The following STXBP5L variants were observed in gnomAD, a reference collection of about 807,000 sequenced individuals.
The protein encoded by STXBP5L is syntaxin binding protein 5L, also known as syntaxin-binding protein 5-like.
STXBP5L carries 65 observed loss-of-function variants against 144.5 expected under a neutral mutation model. The observed-to-expected ratio is 0.45, with a 90% CI of 0.37 to 0.55. The LOEUF (loss-of-function observed/expected upper bound fraction) is 0.55. Ranked by LOEUF, STXBP5L falls within the 20% of genes least tolerant of loss-of-function variation. The probability of loss-of-function intolerance (pLI) is 0.00; values close to 1 mark genes in which losing one functional copy is unlikely to be tolerated. For missense variants in STXBP5L, 1,298 were observed against 1,405.5 expected (o/e 0.92, Z 1.22); for synonymous variants, 505 against 469.6 (o/e 1.08, Z -0.97).
At chr3:121,342,080 T>A (rs921793153) in intron 20 of STXBP5L, among the ~76,000 whole-genome samples, 1 of 151,984 alleles carries the variant, frequency 6.6e-6, no homozygotes, top group African/African-American at 2.4e-5. Context: ...TATGCCTGTA[T>A]CAATATATGT....
intron 3 of STXBP5L, among the ~76,000 whole-genome samples, chr3:120,960,149 A>C (rs1250973677): frequency 6.6e-6 from 1 of 152,240 alleles, no homozygotes. Context: ...CCAAAGATAC[A>C]TGAAAAAAAT....
chr3:121,035,031 C>T (rs9820638), intron 3 of STXBP5L, among the ~76,000 whole-genome samples: 15,091 of 151,956 alleles, frequency 0.099, 1,176 homozygotes, highest in Admixed American at 0.2. Flanking sequence ...GAAAAAATGC[C>T]TGTTCATGTC....
In STXBP5L at chr3:121,191,216, C is replaced by T. The variant is rs573655466; in HGVS notation, c.878-14707C>T. ...CTGGCAGGTGGAGGTTGTAGCGAGC[C>T]GAGATCACGCCACTGCACTCCAGCC... On this transcript the variant is annotated intron_variant, in intron 9 of 26. Coordinates refer to ENST00000471454, the MANE Select transcript of STXBP5L (RefSeq NM_001308330.2). Among the ~76,000 whole-genome samples, 8 of 152,234 alleles carry T rather than the reference C, an allele frequency of 5.3e-5. No homozygotes were observed. In the South Asian group the frequency reaches 8.3e-4, roughly 16 times the overall value.
intron 9 of STXBP5L, among the ~76,000 whole-genome samples, chr3:121,167,774 C>T (rs1321921351): frequency 1.3e-5 from 2 of 152,202 alleles, no homozygotes; most frequent in South Asian, 2.1e-4. Flanking sequence ...CATAAACATC[C>T]CTGCCTGCTG....
rs918735858 is a variant in STXBP5L at position 121,409,706 on chromosome 3, A to G, written c.2948+2103A>G. 2.6e-5 allele frequency among the ~76,000 whole-genome samples: 4 copies of G among 152,000 alleles called. No individual in the cohort carries two copies. In the East Asian group the frequency reaches 7.7e-4, roughly 29 times the overall value. On this transcript the variant is annotated intron_variant, in intron 23 of 26. Transcript: ENST00000471454. ...TAATTTTAAATGTCAATGCCCATAA[A>G]TAAAGGTTTTGGAACACAGCCACAC...
At chr3:121,353,531 C>T (rs902011950) in intron 20 of STXBP5L, among the ~76,000 whole-genome samples, 10 of 151,858 alleles carry the variant, frequency 6.6e-5, no homozygotes, top group African/African-American at 1.9e-4. Context: ...TGGTGATATC[C>T]CTTTTATCAT....
rs753649959 is a variant in STXBP5L, at chr3:121,071,998, CTTT to C, written c.470+26465_470+26467del. Among the ~76,000 whole-genome samples the C allele has an allele frequency of 1.1e-4, 17 of 152,348 alleles. No individual in the cohort carries two copies. In the South Asian group the frequency reaches 3.5e-3, roughly 32 times the overall value. On this transcript the variant is annotated intron_variant, in intron 5 of 26. Coordinates refer to ENST00000471454, the MANE Select transcript of STXBP5L (RefSeq NM_001308330.2). ...CAGCTGTTTGAGTGTCTGGTTCATT[CTTT>C]TAACTTTTCCAGAACTTTGTGGGCG...
intron 10 of STXBP5L, among the ~76,000 whole-genome samples, chr3:121,214,825 T>C (rs918831316): frequency 2.0e-5 from 3 of 152,314 alleles, no homozygotes; most frequent in South Asian, 4.1e-4. Flanking sequence ...CCCACTATTA[T>C]TGTGTGGGAG....
chr3:121,185,213 G>A (rs1207313886), intron 9 of STXBP5L, among the ~76,000 whole-genome samples: 5 of 152,176 alleles, frequency 3.3e-5, no homozygotes, highest in Non-Finnish European at 7.3e-5. Flanking sequence ...TGTCAGATGA[G>A]TAGATTGCAA....
In STXBP5L at chr3:120,932,683, A is replaced by C. The variant is rs540698065; in HGVS notation, c.190-22257A>C. On this transcript the variant is annotated intron_variant, in intron 2 of 26. Transcript: ENST00000471454. ...AACTGGAAATACCATTTGACCCAGC[A>C]ATCCCATTACTGGGTATATGCCCAA... 3.3e-4 allele frequency among the ~76,000 whole-genome samples: 51 copies of C among 152,268 alleles called. No homozygotes were observed. In the South Asian group the frequency reaches 6.0e-3, roughly 18 times the overall value.
chr3:121,220,539 G>A (rs527640021), intron 10 of STXBP5L, among the ~76,000 whole-genome samples: 1 of 152,158 alleles, frequency 6.6e-6, no homozygotes, highest in Non-Finnish European at 1.5e-5. Context: ...TCTAATAAAT[G>A]TGAGAAATTT....
At chr3:121,130,303 C>A (rs1368692558) in intron 7 of STXBP5L, among the ~76,000 whole-genome samples, 2 of 152,032 alleles carry the variant, frequency 1.3e-5, no homozygotes, top group Non-Finnish European at 2.9e-5. Context: ...GAGACTGAAC[C>A]ATGGAATGCC....
intron 11 of STXBP5L, among the ~76,000 whole-genome samples, chr3:121,223,596 A>C (rs1269605552): frequency 6.6e-6 from 1 of 152,176 alleles, no homozygotes; most frequent in Non-Finnish European, 1.5e-5. Flanking sequence ...TTTGCTTCAG[A>C]TGCAACTGCA....
intron 19 of STXBP5L, among the ~76,000 whole-genome samples, chr3:121,299,424 A>G (rs1285173453): frequency 2.0e-5 from 3 of 152,268 alleles, no homozygotes; most frequent in African/African-American, 4.8e-5. Context: ...CTACCAAGGA[A>G]CCTAAATTGG....
At chr3:121,369,128 G>C (rs942183649) in intron 20 of STXBP5L, among the ~76,000 whole-genome samples, 5 of 152,276 alleles carry the variant, frequency 3.3e-5, no homozygotes, top group African/African-American at 1.2e-4. Context: ...TGCCTGGCAG[G>C]GGATTGGGAG....
intron 5 of STXBP5L, among the ~76,000 whole-genome samples, chr3:121,077,717 A>G (rs1198776192): frequency 6.6e-6 from 1 of 152,092 alleles, no homozygotes; most frequent in Non-Finnish European, 1.5e-5. Flanking sequence ...TGCGTTTACA[A>G]TCCCTGAGCT....
chr3:121,078,992 AG>A (rs1275635303), intron 5 of STXBP5L, among the ~76,000 whole-genome samples: 3 of 152,222 alleles, frequency 2.0e-5, no homozygotes, highest in Non-Finnish European at 2.9e-5. Context: ...CAGCCCAGAA[AG>A]GGGCTCCCAC....
intron 7 of STXBP5L, among the ~76,000 whole-genome samples, chr3:121,128,127 T>A (rs909564951): frequency 6.6e-6 from 1 of 151,986 alleles, no homozygotes; most frequent in Non-Finnish European, 1.5e-5. Flanking sequence ...ATGAAATGTG[T>A]TTAGAGTGGT....
chr3:121,348,100 T>C (rs1372151133), intron 20 of STXBP5L, among the ~76,000 whole-genome samples: 1 of 152,164 alleles, frequency 6.6e-6, no homozygotes, highest in Admixed American at 6.5e-5. Flanking sequence ...GGGTTTGTCA[T>C]AGATAGCTCT....
Sources: gnomAD v4.1 joint callset for allele counts (sites outside exome capture counted in the v4.1 genomes callset) on GRCh38, gnomAD v4.1.1 for gene constraint, MANE v1.5 for transcripts, NCBI Gene and HGNC (gene_info 2026-07-23, HGNC 2026-07-21) for gene names.